The following WDR36 variants were observed in gnomAD, a reference collection of about 807,000 sequenced individuals.
WDR36 encodes WD repeat domain 36.
A neutral mutation model predicts 112.7 loss-of-function variants in WDR36; 63 were observed. That is an observed-to-expected ratio of 0.56 (90% CI 0.46 to 0.69). The LOEUF is 0.69. WDR36 is among the 30% of genes least tolerant of loss of function. WDR36 has a pLI of 0.00. For synonymous variants in WDR36, 410 were observed against 362.2 expected, an observed-to-expected ratio of 1.13 and a Z score of -1.50; for missense variants, 1,226 against 1,070.3, an observed-to-expected ratio of 1.15 and a Z score of -2.03.
At chr5:111,095,344 T>C in intron 2 of WDR36, 1 of 184,402 alleles carries the variant, frequency 5.4e-6, no homozygotes, top group East Asian at 1.4e-4. Context: ...GTTCTGTTCC[T>C]GGTAGTGATT....
Position 111,092,448 on chromosome 5 carries a change from G to A in WDR36, c.-9G>A, listed in dbSNP as rs761452055. The A allele has an allele frequency of 4.3e-6, 7 of 1,614,222 alleles. No individual in the cohort carries two copies. In the South Asian group the frequency reaches 5.5e-5, roughly 13 times the overall value. Reference sequence around the variant, plus strand: ...ACCAGAGCTGAGAGGAGCTGGGATCGCGGCGGCAATGGAACGGGCCTCAGA... The same window carrying A: ...ACCAGAGCTGAGAGGAGCTGGGATCACGGCGGCAATGGAACGGGCCTCAGA... On this transcript the variant is annotated 5_prime_UTR_variant, in exon 1 of 23. Transcript: ENST00000513710.
Position 111,125,612 on chromosome 5 carries a change from CA to C in WDR36, c.2356del (p.Thr786LeufsTer6), listed in dbSNP as rs1753664888. On this transcript the variant is annotated frameshift_variant, in exon 22 of 23. Transcript: ENST00000513710. LOFTEE classifies it high-confidence loss of function. ...CTGGATTAAAATTTAATGCAGATGA[CA>C]CTGCTCTCAACCTTCTGAAAGAATC... ...EEGLVNNKYD[T>X]ALNLLKESGP... 1 of 1,612,962 alleles carries C rather than the reference CA, an allele frequency of 6.2e-7. No individual in the cohort carries two copies. The highest frequency in any genetic ancestry group is 8.5e-7 in the Non-Finnish European group (1 of 1,179,520).
intron 2 of WDR36, 158 bp from the exon 3 acceptor site, chr5:111,096,921 A>C: frequency 1.7e-6 from 1 of 575,730 alleles, no homozygotes; most frequent in Non-Finnish European, 3.0e-6. Context: ...TAGATATCTA[A>C]AATATTTTAG....
intron 8 of WDR36, 66 bp downstream of exon 8, chr5:111,104,418 G>GT (rs1753183539): frequency 3.8e-6 from 6 of 1,594,902 alleles, no homozygotes; most frequent in Admixed American, 1.7e-5. Context: ...TTACAAGCTT[G>GT]TTTTAATGTA....
chr5:111,111,474 T>C, intron 15 of WDR36, 196 bp downstream of exon 15: 1 of 534,502 alleles, frequency 1.9e-6, no homozygotes, highest in Non-Finnish European at 3.3e-6. Flanking sequence ...CAAATTAAAG[T>C]ATAAGTTTTA....
intron 19 of WDR36, among the ~76,000 whole-genome samples, chr5:111,123,244 A>G (rs531526360): frequency 6.6e-6 from 1 of 152,192 alleles, no homozygotes; most frequent in African/African-American, 2.4e-5. Context: ...ACCAGCAATC[A>G]TGTTTTCTTG....
At chr5:111,120,431 A>G in intron 17 of WDR36, 65 bp from the exon 18 acceptor site, 1 of 1,232,588 alleles carries the variant, frequency 8.1e-7, no homozygotes, top group Non-Finnish European at 1.2e-6. Context: ...TCAAGATTGT[A>G]GAGTGTTTCT....
chr5:111,129,459 G>C lies in WDR36; in HGVS notation c.*2576G>C, dbSNP rs114702659. 0.022 allele frequency: 4,258 copies of C among 193,008 alleles called. 212 individuals are homozygous for C. Among genetic ancestry groups the C allele is most frequent in the African/African-American group, 0.093 (3,998 of 43,194 alleles). 12.0% of individuals were successfully genotyped at this position (193,008 alleles called of 1,614,324 possible). On this transcript the variant is annotated 3_prime_UTR_variant, in exon 23 of 23. Coordinates refer to ENST00000513710, the MANE Select transcript of WDR36 (RefSeq NM_139281.3). The stretch of plus-strand genomic sequence containing the variant: ...AAAAAATTATTTTGGTTTTAAATCA[G>C]AAATTTCTCACTAGTGAAGATGGAC...
In WDR36 at chr5:111,129,934, A is replaced by G. The variant is rs1753756171; in HGVS notation, c.*3051A>G. 4 of 210,186 alleles carry G rather than the reference A, an allele frequency of 1.9e-5. No individual in the cohort carries two copies. Among genetic ancestry groups the G allele is most frequent in the African/African-American group, 4.5e-5 (2 of 44,072 alleles). The allele number at this position is 210,186 out of a possible 1,614,324, so 13.0% of individuals were successfully genotyped here. A position where few individuals can be genotyped will look rare whatever the true frequency, so the allele number is the denominator to read the frequency against. ...ATCTGTTCAAAATTCATTTATTGAA[A>G]AGTCCACTCATATGTCTGATTTGAA... On this transcript the variant is annotated 3_prime_UTR_variant, in exon 23 of 23. Coordinates refer to ENST00000513710, the MANE Select transcript of WDR36 (RefSeq NM_139281.3).
At chr5:111,109,158 C>T (rs1486571460) in intron 12 of WDR36, among the ~76,000 whole-genome samples, 1 of 151,254 alleles carries the variant, frequency 6.6e-6, no homozygotes, top group Non-Finnish European at 1.5e-5. Flanking sequence ...CAATGTAGGG[C>T]CTGTATTACT....
rs1753559064 is a variant in WDR36, at chr5:111,121,159, T to C, written c.2148+18T>C. The C allele has an allele frequency of 1.2e-6, 2 of 1,612,994 alleles. No individual in the cohort carries two copies. Among genetic ancestry groups the C allele is most frequent in the Admixed American group, 3.3e-5 (2 of 60,002 alleles). ...TTATTAAGGTAATAATTAACATTCTTTATAGACCCTAAGCATGCATCCAGA... is the reference window on the plus strand; with the variant it reads ...TTATTAAGGTAATAATTAACATTCTCTATAGACCCTAAGCATGCATCCAGA... On this transcript the variant is annotated intron_variant, in intron 19 of 22. Coordinates refer to ENST00000513710, the MANE Select transcript of WDR36 (RefSeq NM_139281.3).
intron 3 of WDR36, 145 bp downstream of exon 3, chr5:111,097,324 A>G (rs1753014337): frequency 3.0e-6 from 2 of 657,000 alleles, no homozygotes; most frequent in Admixed American, 2.4e-5. Context: ...AGTTTTCTGG[A>G]GGAAGATAAA....
chr5:111,109,724 C>A (rs888588160), intron 12 of WDR36, among the ~76,000 whole-genome samples: 1 of 151,156 alleles, frequency 6.6e-6, no homozygotes, highest in African/African-American at 2.4e-5. Flanking sequence ...TATTTCCTTC[C>A]TAATATGTCA....
At position 111,127,133 on chromosome 5, in the gene WDR36, T is replaced by G. The variant is rs1247765327; in HGVS notation, c.*250T>G. 3 of 367,096 alleles carry G rather than the reference T, an allele frequency of 8.2e-6. No individual in the cohort carries two copies. The highest frequency in any genetic ancestry group is 1.5e-5 in the Non-Finnish European group (3 of 205,796). 22.7% of individuals were successfully genotyped at this position (367,096 alleles called of 1,614,324 possible). A position where few individuals can be genotyped will look rare whatever the true frequency, so the allele number is the denominator to read the frequency against. ...GGGAGGATTGCTTGAAGCCAGGAATTTGAGCCCAGCCTGGGCAACATAGCA... is the reference window on the plus strand; with the variant it reads ...GGGAGGATTGCTTGAAGCCAGGAATGTGAGCCCAGCCTGGGCAACATAGCA... On this transcript the variant is annotated 3_prime_UTR_variant, in exon 23 of 23. Coordinates refer to ENST00000513710, the MANE Select transcript of WDR36 (RefSeq NM_139281.3).
chr5:111,105,206 T>C (rs1753199979), intron 9 of WDR36, 89 bp from the exon 10 acceptor site: 1 of 1,391,664 alleles, frequency 7.2e-7, no homozygotes. Context: ...AACTTCAAGA[T>C]TTTCAAATTG....
rs773184497 is a variant in WDR36 at position 111,103,916 on chromosome 5, C to T, written c.728C>T (p.Thr243Ile). The T allele has an allele frequency of 5.6e-6, 9 of 1,610,828 alleles. No individual in the cohort carries two copies. Among genetic ancestry groups the T allele is most frequent in the East Asian group, 4.5e-5 (2 of 44,782 alleles). ...CCCATTACTTCAATTTCATTTCGCA[C>T]AGGTAACTTTTAACATACTTATTGA... ...WGPITSISFRTDGHPVMAAGS... is the reference protein window; with the variant it reads ...WGPITSISFRIDGHPVMAAGS... The change falls in exon 7 of 23, where the codon ACA (threonine) becomes ATA (isoleucine). Residue 243 changes from threonine to isoleucine, a missense_variant and splice_region_variant. Thr to Ile is a moderately conservative substitution (Grantham distance 89). Transcript: ENST00000513710.
rs1020924980 is a variant in WDR36 at position 111,128,520 on chromosome 5, A to G, written c.*1637A>G. On this transcript the variant is annotated 3_prime_UTR_variant, in exon 23 of 23. Coordinates refer to ENST00000513710, the MANE Select transcript of WDR36 (RefSeq NM_139281.3). ...ACTATATTCTAAATTGGAATATGGC[A>G]AAATCCCAATATATAATTCTATACC... 6.1e-5 allele frequency: 11 copies of G among 179,274 alleles called. No individual in the cohort carries two copies. Among genetic ancestry groups the G allele is most frequent in the Admixed American group, 1.9e-4 (3 of 15,868 alleles). 11.1% of individuals were successfully genotyped at this position (179,274 alleles called of 1,614,324 possible).
chr5:111,093,583 T>C (rs1465368355), intron 1 of WDR36, among the ~76,000 whole-genome samples: 2 of 152,232 alleles, frequency 1.3e-5, no homozygotes, highest in African/African-American at 4.8e-5. Context: ...ATATTAATCA[T>C]GTGAAAGTAT....
chr5:111,124,029 G>C, intron 20 of WDR36, 79 bp from the exon 21 acceptor site: 1 of 1,596,702 alleles, frequency 6.3e-7, no homozygotes, highest in East Asian at 2.2e-5. Flanking sequence ...GTAAATTAAT[G>C]ATAGCTTTTA....
Sources: allele counts gnomAD v4.1 joint callset (sites outside exome capture counted in the v4.1 genomes callset), GRCh38; gene constraint gnomAD v4.1.1; transcripts MANE v1.5; gene names NCBI Gene and HGNC (gene_info 2026-07-23, HGNC 2026-07-21).